Variants in CERS6 observed in about 807,000 individuals in gnomAD.
CERS6 encodes LAG1 homolog, ceramide synthase 6.
CERS6 carries 26 observed loss-of-function variants against 56.8 expected under a neutral mutation model. That is an observed-to-expected ratio of 0.46 (90% CI 0.34 to 0.63). CERS6 has a LOEUF of 0.63. CERS6 is among the 30% of genes least tolerant of loss of function. The pLI, the probability that CERS6 is intolerant of heterozygous loss-of-function variation, is 0.01. For missense variants in CERS6, 415 were observed against 467.5 expected, an observed-to-expected ratio of 0.89 and a Z score of 1.04; for synonymous variants, 164 against 173.3, an observed-to-expected ratio of 0.95 and a Z score of 0.42.
chr2:168,511,354 T>A (rs2105350589), intron 1 of CERS6, among the ~76,000 whole-genome samples: 1 of 152,338 alleles, frequency 6.6e-6, no homozygotes, highest in Admixed American at 6.5e-5. Context: ...ATTGAATTGA[T>A]AGTTTGGCTA....
At chr2:168,718,064 TA>T in intron 8 of CERS6, 86 bp downstream of exon 8, 1 of 924,992 alleles carries the variant, frequency 1.1e-6, no homozygotes, top group Non-Finnish European at 1.7e-6. Flanking sequence ...TTACTGTAAG[TA>T]TTTACAGGTT....
intron 1 of CERS6, among the ~76,000 whole-genome samples, chr2:168,466,235 A>G (rs1356899012): frequency 6.6e-6 from 1 of 152,162 alleles, no homozygotes; most frequent in African/African-American, 2.4e-5. Flanking sequence ...AACTGGCTGC[A>G]TGTGTAGAAG....
At chr2:168,673,060 G>A (rs559022981) in intron 4 of CERS6, among the ~76,000 whole-genome samples, 1 of 152,304 alleles carries the variant, frequency 6.6e-6, no homozygotes, top group South Asian at 2.1e-4. Flanking sequence ...ATTGAGTAAT[G>A]ATAAACCAAA....
At chr2:168,768,918 A>AG (rs1684794716) in intron 9 of CERS6, among the ~76,000 whole-genome samples, 2 of 151,012 alleles carry the variant, frequency 1.3e-5, no homozygotes, top group African/African-American at 2.5e-5. Context: ...AAAAAAAAAA[A>AG]AAAAGAAAAG....
intron 3 of CERS6, among the ~76,000 whole-genome samples, chr2:168,572,312 T>C (rs1696003767): frequency 6.6e-6 from 1 of 152,046 alleles, no homozygotes; most frequent in Non-Finnish European, 1.5e-5. Flanking sequence ...ATTGAGGTAT[T>C]TATACAGTTC....
Position 168,631,004 on chromosome 2 carries a change from C to T in CERS6, c.427C>T (p.Leu143Phe), listed in dbSNP as rs771988532. ...CTACAGGTGGAGATTTTCATTTTAC[C>T]TTTATGTATTTACCTACGGAGTCAG... ...CESMWRFSFY[L>F]YVFTYGVRFL... The change falls in exon 4 of 10, where the codon CTT (leucine) becomes TTT (phenylalanine). Residue 143 changes from leucine (L) to phenylalanine (F), a missense_variant. Physicochemically the swap from Leu to Phe is conservative, Grantham distance 22. Transcript: ENST00000305747. 95 of 1,524,618 alleles carry T rather than the reference C, an allele frequency of 6.2e-5. No homozygotes were observed. The highest frequency in any genetic ancestry group is 8.0e-5 in the Non-Finnish European group (89 of 1,118,996). 94.4% of individuals were successfully genotyped at this position (1,524,618 alleles called of 1,614,324 possible).
At position 168,715,050 on chromosome 2, in the gene CERS6, C is replaced by G. The variant is rs1403655264; in HGVS notation, c.659C>G (p.Thr220Ser). Residue 220 changes from threonine to serine, a missense_variant, in exon 7 of 10, where the codon ACC (threonine) becomes AGC (serine). Transcript: ENST00000305747. ...LHHLVSIFLI[T>S]FSYVNNMARV... ...CACCTTGTATCTATTTTCTTGATTA[C>G]CTTTTCATATGTCAACAATATGGCC... The G allele has an allele frequency of 6.2e-7, 1 of 1,611,120 alleles. No homozygotes were observed. The highest frequency in any genetic ancestry group is 8.5e-7 in the Non-Finnish European group (1 of 1,178,564).
At chr2:168,693,278 T>G (rs1197670930) in intron 5 of CERS6, among the ~76,000 whole-genome samples, 2 of 152,126 alleles carry the variant, frequency 1.3e-5, no homozygotes, top group African/African-American at 4.8e-5. Context: ...GTACTAATTT[T>G]ATAGGATTTT....
chr2:168,545,851 A>G (rs1695457132), intron 1 of CERS6, among the ~76,000 whole-genome samples: 1 of 152,182 alleles, frequency 6.6e-6, no homozygotes, highest in Admixed American at 6.5e-5. Flanking sequence ...TGATGATGAC[A>G]AAGTCGGAAG....
chr2:168,589,736 T>G (rs906592485), intron 3 of CERS6, among the ~76,000 whole-genome samples: 1 of 152,252 alleles, frequency 6.6e-6, no homozygotes, highest in Non-Finnish European at 1.5e-5. Flanking sequence ...TCTAGTCCAC[T>G]ACATATAGAT....
chr2:168,652,249 C>T (rs1685361796), intron 4 of CERS6, among the ~76,000 whole-genome samples: 1 of 152,118 alleles, frequency 6.6e-6, no homozygotes, highest in Non-Finnish European at 1.5e-5. Context: ...ATTTTCCCTC[C>T]CTGCTGCCAG....
chr2:168,552,735 C>T (rs1388608455), intron 2 of CERS6, among the ~76,000 whole-genome samples: 5 of 152,134 alleles, frequency 3.3e-5, no homozygotes, highest in Non-Finnish European at 2.9e-5. Flanking sequence ...AGTCCATCTC[C>T]CTTCATGGCA....
chr2:168,530,925 G>C (rs10168363), intron 1 of CERS6, among the ~76,000 whole-genome samples: 2 of 152,232 alleles, frequency 1.3e-5, no homozygotes, highest in African/African-American at 4.8e-5. Flanking sequence ...ATCGTTTTTA[G>C]CTACTACCAC....
intron 1 of CERS6, among the ~76,000 whole-genome samples, chr2:168,466,150 CG>C (rs1693870624): frequency 6.6e-6 from 1 of 151,792 alleles, no homozygotes; most frequent in Non-Finnish European, 1.5e-5. Flanking sequence ...TTAAGTATCC[CG>C]TTTTTTTAGA....
At chr2:168,594,892 G>C (rs1222592635) in intron 3 of CERS6, among the ~76,000 whole-genome samples, 1 of 152,186 alleles carries the variant, frequency 6.6e-6, no homozygotes, top group Non-Finnish European at 1.5e-5. Flanking sequence ...CAGCTAGACT[G>C]CCTGTGTATT....
intron 1 of CERS6, among the ~76,000 whole-genome samples, chr2:168,527,299 G>A (rs1007532799): frequency 6.6e-6 from 1 of 152,184 alleles, no homozygotes; most frequent in African/African-American, 2.4e-5. Flanking sequence ...CCCTACACAT[G>A]CGTAGACTCC....
At chr2:168,537,114 A>G (rs1167557079) in intron 1 of CERS6, among the ~76,000 whole-genome samples, 1 of 152,236 alleles carries the variant, frequency 6.6e-6, no homozygotes, top group African/African-American at 2.4e-5. Flanking sequence ...AACACAAAAT[A>G]AATATAAATA....
At chr2:168,728,850 A>G (rs938690816) in intron 8 of CERS6, among the ~76,000 whole-genome samples, 2 of 151,448 alleles carry the variant, frequency 1.3e-5, no homozygotes, top group Non-Finnish European at 2.9e-5. Flanking sequence ...TACTAAAAAT[A>G]CAAAAAATAG....
chr2:168,640,623 C>T (rs1044629687), intron 4 of CERS6, among the ~76,000 whole-genome samples: 13 of 152,192 alleles, frequency 8.5e-5, no homozygotes, highest in African/African-American at 2.4e-4. Flanking sequence ...AGCATCGATG[C>T]ACAAGACATG....
Sources: gnomAD v4.1 joint callset for allele counts (sites outside exome capture counted in the v4.1 genomes callset) on GRCh38, gnomAD v4.1.1 for gene constraint, MANE v1.5 for transcripts, NCBI Gene and HGNC (gene_info 2026-07-23, HGNC 2026-07-21) for gene names.